Variants in ELAPOR2 observed in about 807,000 individuals in gnomAD.
ELAPOR2 encodes the protein endosome/lysosome-associated apoptosis and autophagy regulator family member 2.
ELAPOR2 carries 89 observed loss-of-function variants against 120.7 expected under a neutral mutation model. The observed-to-expected ratio is 0.74, with a 90% CI of 0.62 to 0.88. The LOEUF is 0.88. Ranked by LOEUF, ELAPOR2 falls within the 40% of genes least tolerant of loss-of-function variation. The probability of loss-of-function intolerance (pLI) is 0.00; values close to 1 mark genes in which losing one functional copy is unlikely to be tolerated. For synonymous variants in ELAPOR2, 444 were observed against 444.9 expected, an observed-to-expected ratio of 1.00 and a Z score of 0.03; for missense variants, 1,134 against 1,251.6, an observed-to-expected ratio of 0.91 and a Z score of 1.42.
intron 1 of ELAPOR2, among the ~76,000 whole-genome samples, chr7:86,981,383 T>G (rs1048031491): frequency 6.6e-5 from 10 of 152,170 alleles, no homozygotes; most frequent in South Asian, 2.1e-4. Flanking sequence ...CATCTACACT[T>G]CAACTAACTG....
chr7:86,982,965 G>C (rs1259437616), intron 1 of ELAPOR2, among the ~76,000 whole-genome samples: 1 of 152,186 alleles, frequency 6.6e-6, no homozygotes, highest in Non-Finnish European at 1.5e-5. Context: ...TGGCGAACTA[G>C]AAAAAACAGT....
At chr7:86,998,840 A>C (rs1012834) in intron 1 of ELAPOR2, among the ~76,000 whole-genome samples, 57,917 of 150,660 alleles carry the variant, frequency 0.38, 12,148 homozygotes, top group African/African-American at 0.56. Flanking sequence ...GAATTCCATA[A>C]ATAGTTCCTT....
At chr7:86,928,171 C>T (rs1404334095) in intron 8 of ELAPOR2, among the ~76,000 whole-genome samples, 2 of 151,878 alleles carry the variant, frequency 1.3e-5, no homozygotes, top group Non-Finnish European at 2.9e-5. Context: ...CATCATGATA[C>T]ACTTTAACCA....
At chr7:86,967,968 G>A (rs1791975052) in intron 1 of ELAPOR2, among the ~76,000 whole-genome samples, 1 of 151,978 alleles carries the variant, frequency 6.6e-6, no homozygotes, top group African/African-American at 2.4e-5. Context: ...AAATCAAATG[G>A]GTTTTATTTT....
chr7:86,933,443 G>C (rs887299408), intron 8 of ELAPOR2, among the ~76,000 whole-genome samples: 12 of 151,914 alleles, frequency 7.9e-5, no homozygotes, highest in Non-Finnish European at 1.3e-4. Flanking sequence ...AACCAGACCA[G>C]CTGAGACTGG....
intron 1 of ELAPOR2, among the ~76,000 whole-genome samples, chr7:86,967,911 T>C (rs948106258): frequency 6.6e-6 from 1 of 152,188 alleles, no homozygotes; most frequent in Non-Finnish European, 1.5e-5. Flanking sequence ...GCAAACCTAT[T>C]TCATGCAGAG....
At chr7:86,932,744 T>C (rs1009209998) in intron 8 of ELAPOR2, among the ~76,000 whole-genome samples, 6 of 151,974 alleles carry the variant, frequency 3.9e-5, no homozygotes, top group Admixed American at 3.9e-4. Context: ...CCACTTTAAA[T>C]AGCTGTCGCA....
chr7:87,041,670 A>G (rs1794791958), intron 1 of ELAPOR2, among the ~76,000 whole-genome samples: 1 of 152,126 alleles, frequency 6.6e-6, no homozygotes, highest in Non-Finnish European at 1.5e-5. Flanking sequence ...CCAAAATGTA[A>G]AGACCATCGA....
chr7:87,054,344 A>T (rs975543478), intron 1 of ELAPOR2, among the ~76,000 whole-genome samples: 57 of 152,352 alleles, frequency 3.7e-4, no homozygotes, highest in African/African-American at 1.3e-3. Flanking sequence ...CAGATCTGTC[A>T]ACTCTTGGTT....
chr7:86,912,035 A>C, intron 15 of ELAPOR2, 37 bp downstream of exon 15: 1 of 1,568,714 alleles, frequency 6.4e-7, no homozygotes, highest in Non-Finnish European at 8.7e-7. Flanking sequence ...TCGGAGCTGA[A>C]ATATAGGTCC....
chr7:87,049,431 G>A (rs1403661787), intron 1 of ELAPOR2, among the ~76,000 whole-genome samples: 3 of 152,018 alleles, frequency 2.0e-5, no homozygotes, highest in Non-Finnish European at 4.4e-5. Context: ...ACAGGCTCCC[G>A]CCACCATGCC....
intron 2 of ELAPOR2, among the ~76,000 whole-genome samples, chr7:86,960,845 C>A (rs1484141328): frequency 1.3e-5 from 2 of 151,894 alleles, no homozygotes; most frequent in Non-Finnish European, 2.9e-5. Context: ...TTCTTAACGT[C>A]CATTAAATAT....
chr7:87,050,918 A>G (rs79832768), intron 1 of ELAPOR2, among the ~76,000 whole-genome samples: 4,099 of 152,310 alleles, frequency 0.027, 78 homozygotes, highest in South Asian at 0.035. Flanking sequence ...CAACTAGAAG[A>G]AAGGAGTTGC....
At chr7:87,011,262 A>AAG (rs1554404738) in intron 1 of ELAPOR2, among the ~76,000 whole-genome samples, 5 of 147,766 alleles carry the variant, frequency 3.4e-5, no homozygotes, top group African/African-American at 1.0e-4. Flanking sequence ...AAAAAAAAAA[A>AAG]AAAAAAGAAA....
At chr7:87,009,580 G>C (rs564438998) in intron 1 of ELAPOR2, among the ~76,000 whole-genome samples, 27 of 152,282 alleles carry the variant, frequency 1.8e-4, no homozygotes, top group Non-Finnish European at 2.2e-4. Flanking sequence ...GAAAGGTAGT[G>C]AAATAATGGC....
Position 86,938,958 on chromosome 7 carries a change from C to T in ELAPOR2, c.850G>A (p.Val284Met), listed in dbSNP as rs1395116216. Reference protein sequence around the residue: ...VLVKNITIEGVAYTSECFPCK... With the variant: ...VLVKNITIEGMAYTSECFPCK... ...GGAAAACATTCTGATGTGTACGCCA[C>T]CCCTGTGCAGTAATGAAAAACAGAG... is the stretch of plus-strand genomic sequence containing the variant. Residue 284 changes from valine (V) to methionine (M), a missense_variant and splice_region_variant, in exon 7 of 22, where the codon GTG becomes ATG. Coordinates refer to ENST00000450689, the MANE Select transcript of ELAPOR2 (RefSeq NM_001142749.3). The T allele has an allele frequency of 6.2e-7, 1 of 1,612,632 alleles. No individual in the cohort carries two copies. Among genetic ancestry groups the T allele is most frequent in the Non-Finnish European group, 8.5e-7 (1 of 1,179,212 alleles).
At chr7:86,907,269 A>C (rs901914736) in intron 18 of ELAPOR2, among the ~76,000 whole-genome samples, 10 of 152,114 alleles carry the variant, frequency 6.6e-5, no homozygotes, top group African/African-American at 2.2e-4. Context: ...CTCAGAGGTT[A>C]GATTACTTAA....
At chr7:86,884,644 G>T (rs1487719239) in intron 21 of ELAPOR2, among the ~76,000 whole-genome samples, 4 of 152,080 alleles carry the variant, frequency 2.6e-5, no homozygotes, top group African/African-American at 9.7e-5. Flanking sequence ...AGGCAAAGGA[G>T]GTTTCACCCT....
At chr7:86,926,561 A>C (rs2116230861) in intron 9 of ELAPOR2, among the ~76,000 whole-genome samples, 175 bp downstream of exon 9, 1 of 152,112 alleles carries the variant, frequency 6.6e-6, no homozygotes, top group Non-Finnish European at 1.5e-5. Context: ...CAACATGGCT[A>C]TATTCAAGCC....
Sources: allele counts gnomAD v4.1 joint callset (sites outside exome capture counted in the v4.1 genomes callset), GRCh38; gene constraint gnomAD v4.1.1; transcripts MANE v1.5; gene names NCBI Gene and HGNC (gene_info 2026-07-23, HGNC 2026-07-21).